RFX4: variants seen among roughly 807,000 people sequenced by gnomAD.
RFX4 encodes regulatory factor X4.
A neutral mutation model predicts 95.0 loss-of-function variants in RFX4; 10 were observed. That is an observed-to-expected ratio of 0.11 (90% CI 0.06 to 0.18). The LOEUF (loss-of-function observed/expected upper bound fraction) is 0.18, where lower values mean the gene tolerates loss of function less well. Ranked by LOEUF, RFX4 falls within the 10% of genes least tolerant of loss-of-function variation. The pLI is 1.00. For synonymous variants in RFX4, 321 were observed against 340.7 expected, an observed-to-expected ratio of 0.94 and a Z score of 0.64; for missense variants, 640 against 922.0, an observed-to-expected ratio of 0.69 and a Z score of 3.96.
At chr12:106,688,318 T>C (rs1283780590) in intron 6 of RFX4, among the ~76,000 whole-genome samples, 2 of 152,120 alleles carry the variant, frequency 1.3e-5, no homozygotes, top group Admixed American at 1.3e-4. Context: ...TCTGCCCACC[T>C]CGGCCTCCCA....
At chr12:106,636,390 CAAAAAAAA>C (rs34305367) in intron 2 of RFX4, among the ~76,000 whole-genome samples, 1 of 76,880 alleles carries the variant, frequency 1.3e-5, no homozygotes, top group Non-Finnish European at 2.7e-5. Flanking sequence ...AACTCTGTCT[CAAAAAAAA>C]AAAAAAAAAG....
chr12:106,666,619 G>C (rs776443422), intron 4 of RFX4, among the ~76,000 whole-genome samples: 1 of 151,518 alleles, frequency 6.6e-6, no homozygotes, highest in South Asian at 2.1e-4. Flanking sequence ...TGTTCTCTTC[G>C]CTTTTTAGTT....
intron 15 of RFX4, among the ~76,000 whole-genome samples, chr12:106,734,986 C>T (rs1161161549): frequency 3.4e-5 from 5 of 145,324 alleles, no homozygotes; most frequent in South Asian, 4.4e-4. Context: ...CGTAGGAGTT[C>T]GAGGCTGCAG....
chr12:106,671,965 A>G (rs1028897432), intron 4 of RFX4, among the ~76,000 whole-genome samples: 1 of 152,136 alleles, frequency 6.6e-6, no homozygotes, highest in Non-Finnish European at 1.5e-5. Flanking sequence ...CCCGGCCTCC[A>G]GTGTTGTTTT....
rs2039460023 is a variant in RFX4, at chr12:106,586,462, G to A, written c.43+3099G>A. Among the ~76,000 whole-genome samples, 1 of 152,066 alleles carries A rather than the reference G, an allele frequency of 6.6e-6. No individual in the cohort carries two copies. The highest frequency in any genetic ancestry group is 2.4e-5 in the African/African-American group (1 of 41,412). On this transcript the variant is annotated intron_variant, in intron 1 of 17. Coordinates refer to ENST00000392842, the MANE Select transcript of RFX4 (RefSeq NM_213594.3). The surrounding 1 kb of genome is among the most constrained non-coding windows in gnomAD (Gnocchi z 5.6). ...AAAGTGGGTAGAATTTTAGGCCACCGAGAACTTGTGCAAAGTGGGCCGGGC... is the reference window on the plus strand; with the variant it reads ...AAAGTGGGTAGAATTTTAGGCCACCAAGAACTTGTGCAAAGTGGGCCGGGC...
At chr12:106,619,918 T>TTGGA (rs2040147297) in intron 2 of RFX4, among the ~76,000 whole-genome samples, 1 of 152,182 alleles carries the variant, frequency 6.6e-6, no homozygotes, top group Non-Finnish European at 1.5e-5. Flanking sequence ...TGGTAGGTGG[T>TTGGA]CCAATTGATT....
intron 8 of RFX4, among the ~76,000 whole-genome samples, chr12:106,703,338 G>T (rs182324190): frequency 1.3e-5 from 2 of 152,276 alleles, no homozygotes; most frequent in East Asian, 1.9e-4. Flanking sequence ...ACCCAAATAG[G>T]TTAACAAAGG....
chr12:106,613,509 C>T (rs1324551810), intron 2 of RFX4, among the ~76,000 whole-genome samples: 1 of 151,744 alleles, frequency 6.6e-6, no homozygotes, highest in Non-Finnish European at 1.5e-5. Flanking sequence ...ATTACAGGCG[C>T]CCACCACCAC....
intron 1 of RFX4, 128 bp from the exon 2 acceptor site, chr12:106,608,669 T>G: frequency 1.1e-6 from 1 of 873,384 alleles, no homozygotes. Flanking sequence ...AGATGCCACA[T>G]GAATATTGAT....
intron 9 of RFX4, among the ~76,000 whole-genome samples, chr12:106,711,146 C>A (rs1359938322): frequency 6.6e-6 from 1 of 152,208 alleles, no homozygotes; most frequent in Non-Finnish European, 1.5e-5. Context: ...AAATGAAAGA[C>A]AAGTAAATAA....
chr12:106,601,434 A>C, intron 1 of RFX4: 8 of 1,354,380 alleles, frequency 5.9e-6, no homozygotes, highest in Non-Finnish European at 8.1e-6. Context: ...GGTAGCTGTG[A>C]GTGTGGCATG....
intron 8 of RFX4, among the ~76,000 whole-genome samples, chr12:106,703,446 T>A (rs1207440601): frequency 1.3e-5 from 2 of 152,218 alleles, no homozygotes; most frequent in African/African-American, 2.4e-5. Context: ...TTTATAATAA[T>A]ATGTATATGT....
chr12:106,591,853 G>A (rs2039552596), intron 1 of RFX4, among the ~76,000 whole-genome samples: 1 of 152,218 alleles, frequency 6.6e-6, no homozygotes. Flanking sequence ...TCACAGATAT[G>A]TGTTAAAATA....
intron 3 of RFX4, among the ~76,000 whole-genome samples, chr12:106,645,109 T>C (rs1342575643): frequency 6.6e-6 from 1 of 152,042 alleles, no homozygotes; most frequent in Non-Finnish European, 1.5e-5. Context: ...CTAAAATAAT[T>C]GGGGACACGT....
intron 4 of RFX4, among the ~76,000 whole-genome samples, chr12:106,662,778 T>C (rs893157088): frequency 4.1e-4 from 62 of 152,288 alleles, no homozygotes; most frequent in African/African-American, 1.5e-3. Context: ...TTTTTGCATG[T>C]GTATATTCAG....
chr12:106,719,315 C>G (rs151203376), intron 11 of RFX4, among the ~76,000 whole-genome samples: 1 of 152,258 alleles, frequency 6.6e-6, no homozygotes, highest in Non-Finnish European at 1.5e-5. Flanking sequence ...TTGCCTGATA[C>G]AGTTGTGGTC....
At chr12:106,591,600 TA>T (rs374980257) in intron 1 of RFX4, among the ~76,000 whole-genome samples, 78 of 152,302 alleles carry the variant, frequency 5.1e-4, no homozygotes, top group African/African-American at 1.7e-3. Context: ...GCAAAATGTA[TA>T]ATTGTTGACA....
chr12:106,628,259 C>G (rs996098394), intron 2 of RFX4, among the ~76,000 whole-genome samples: 1 of 152,140 alleles, frequency 6.6e-6, no homozygotes, highest in Non-Finnish European at 1.5e-5. Context: ...AGCACACTGC[C>G]AGGCCAGGGC....
chr12:106,757,717 G>A (rs1207887819), intron 17 of RFX4, among the ~76,000 whole-genome samples: 1 of 152,168 alleles, frequency 6.6e-6, no homozygotes, highest in Non-Finnish European at 1.5e-5. Context: ...TCCTGACTGG[G>A]CCACCTTTCA....
Sources: allele counts gnomAD v4.1 joint callset (sites outside exome capture counted in the v4.1 genomes callset), GRCh38; gene constraint gnomAD v4.1.1; non-coding constraint Gnocchi (gnomAD v3.1); transcripts MANE v1.5; gene names NCBI Gene and HGNC (gene_info 2026-07-23, HGNC 2026-07-21).